Variants in TMEM177 observed in about 807,000 individuals in gnomAD.
The protein encoded by TMEM177 is transmembrane protein 177.
In TMEM177, 4 loss-of-function variants were observed where a neutral mutation model predicts 14.2. The ratio of observed to expected loss-of-function variants is 0.28; its 90% confidence interval spans 0.14 to 0.64. TMEM177 has a LOEUF of 0.64. Among genes scored for constraint, TMEM177 ranks in the 30% least tolerant of loss-of-function variants. The pLI is 0.82. For synonymous variants in TMEM177, 179 were observed against 174.5 expected (o/e 1.03, Z -0.20); for missense variants, 344 against 405.2 (o/e 0.85, Z 1.30).
At chr2:119,693,961 T>C in the TMEM177 span, among the ~76,000 whole-genome samples, 1 of 1,546 alleles carries the variant, frequency 6.5e-4, no homozygotes, top group African/African-American at 2.7e-3. Flanking sequence ...ACATGCAACA[T>C]ACCACACACA....
chr2:119,683,135 G>A (rs897276092), downstream of TMEM177, among the ~76,000 whole-genome samples: 2 of 152,338 alleles, frequency 1.3e-5, no homozygotes, highest in Admixed American at 6.5e-5. Context: ...GTGAGCCAGT[G>A]GGGCTGCAGA....
chr2:119,688,284 G>A (rs1173551320), downstream of TMEM177, among the ~76,000 whole-genome samples: 2 of 152,196 alleles, frequency 1.3e-5, no homozygotes, highest in Admixed American at 1.3e-4. Context: ...TTGTGTTATA[G>A]GGGAATTTTA....
the TMEM177 span, among the ~76,000 whole-genome samples, chr2:119,701,017 G>T: frequency 2.0e-5 from 3 of 152,204 alleles, no homozygotes; most frequent in Non-Finnish European, 4.4e-5. Context: ...GACTGATCCT[G>T]GGGACAAGAG....
chr2:119,711,256 A>G, the TMEM177 span, among the ~76,000 whole-genome samples: 1 of 152,218 alleles, frequency 6.6e-6, no homozygotes, highest in African/African-American at 2.4e-5. Flanking sequence ...CTATGGAATT[A>G]TGAAAAGGAG....
chr2:119,681,213 T>A lies in TMEM177; in HGVS notation c.360T>A (p.His120Gln). 6.2e-7 allele frequency: 1 copy of A among 1,614,190 alleles called. No individual in the cohort carries two copies. Among genetic ancestry groups the A allele is most frequent in the African/African-American group, 1.3e-5 (1 of 75,048 alleles). Residue 120 changes from histidine to glutamine, a missense_variant, in exon 2 of 2, where the codon CAT (histidine) becomes CAA (glutamine). By Grantham distance (24) the His-to-Gln change is conservative (BLOSUM62 0). Transcript: ENST00000272521. ...FLGDLVINTN[H>Q]PVVIHGHTVD... ...GAGACCTAGTGATCAACACTAACCA[T>A]CCCGTGGTCATACATGGGCATACAG...
rs1558688291 is a variant in TMEM177 at position 119,681,319 on chromosome 2, AG to A, written c.469del (p.Glu157LysfsTer42). Reference sequence around the variant, plus strand: ...TGAAGCCCAGAAGTTCGCCTTGGCCAGGGAAGTGGTGTACCTGGAAAGCAGT... The same window carrying A: ...TGAAGCCCAGAAGTTCGCCTTGGCCAGGAAGTGGTGTACCTGGAAAGCAGT... The part of the protein sequence containing the change: ...SREAQKFALA[R>X]EVVYLESSTT... On this transcript the variant is annotated frameshift_variant, in exon 2 of 2. Transcript: ENST00000272521. LOFTEE classifies it high-confidence loss of function. 6.2e-7 allele frequency: 1 copy of A among 1,614,224 alleles called. No individual in the cohort carries two copies.
the TMEM177 span, among the ~76,000 whole-genome samples, chr2:119,717,868 TCTC>T: frequency 6.6e-6 from 1 of 152,046 alleles, no homozygotes; most frequent in East Asian, 1.9e-4. Context: ...GATCCACCTG[TCTC>T]GGCCTCCCAA....
chr2:119,712,219 G>A, the TMEM177 span, among the ~76,000 whole-genome samples: 1 of 151,858 alleles, frequency 6.6e-6, no homozygotes, highest in African/African-American at 2.4e-5. Flanking sequence ...ACTTTGATAG[G>A]TGGATTGTTG....
At chr2:119,704,979 C>T in the TMEM177 span, among the ~76,000 whole-genome samples, 78,452 of 151,988 alleles carry the variant, frequency 0.52, 21,074 homozygotes, top group East Asian at 0.65. Context: ...GGGAAAGTTG[C>T]GGCTCTGGCT....
the TMEM177 span, among the ~76,000 whole-genome samples, chr2:119,697,814 T>TTA: frequency 1.1e-4 from 16 of 152,162 alleles, no homozygotes; most frequent in African/African-American, 3.9e-4. Flanking sequence ...AATGAACCGA[T>TTA]ACTAGACAGA....
chr2:119,691,181 C>A (rs933801813), downstream of TMEM177, among the ~76,000 whole-genome samples: 1 of 152,200 alleles, frequency 6.6e-6, no homozygotes, highest in Non-Finnish European at 1.5e-5. Context: ...GGCCTCAGAG[C>A]CAGACCACCC....
chr2:119,684,935 C>T (rs114776650), downstream of TMEM177, among the ~76,000 whole-genome samples: 2,134 of 152,256 alleles, frequency 0.014, 22 homozygotes, highest in Non-Finnish European at 0.021. Flanking sequence ...AGGGCTTTGT[C>T]GCTAAGTTGG....
At chr2:119,697,425 G>A in the TMEM177 span, among the ~76,000 whole-genome samples, 1 of 152,146 alleles carries the variant, frequency 6.6e-6, no homozygotes, top group Non-Finnish European at 1.5e-5. Flanking sequence ...CCCGGGCTTG[G>A]TGGTGTGTGC....
the TMEM177 span, among the ~76,000 whole-genome samples, chr2:119,694,052 CG>C: frequency 5.4e-5 from 2 of 37,088 alleles, no homozygotes; most frequent in Non-Finnish European, 6.9e-5. Context: ...ACACACATCA[CG>C]CACATGCAAC....
the TMEM177 span, among the ~76,000 whole-genome samples, chr2:119,714,125 C>T: frequency 6.6e-6 from 1 of 152,242 alleles, no homozygotes; most frequent in South Asian, 2.1e-4. Context: ...AGAGAGGAGT[C>T]ACTGGGACAG....
chr2:119,694,110 T>C, the TMEM177 span, among the ~76,000 whole-genome samples: 1 of 19,836 alleles, frequency 5.0e-5, no homozygotes, highest in East Asian at 1.6e-3. Context: ...CACAAACACA[T>C]ACCACATGCA....
chr2:119,685,547 T>C (rs908177300), downstream of TMEM177: 2 of 661,708 alleles, frequency 3.0e-6, no homozygotes, highest in Non-Finnish European at 5.5e-6. Flanking sequence ...TATAGTAACA[T>C]AATGGGGCCT....
the TMEM177 span, among the ~76,000 whole-genome samples, chr2:119,713,268 G>A: frequency 2.8e-4 from 42 of 152,034 alleles, no homozygotes; most frequent in East Asian, 6.4e-3. Flanking sequence ...AGGTTTCTCC[G>A]TGTTGGTCAG....
At chr2:119,689,915 A>G (rs942502523), downstream of TMEM177, among the ~76,000 whole-genome samples, 4 of 152,244 alleles carry the variant, frequency 2.6e-5, no homozygotes, top group Admixed American at 1.3e-4. Flanking sequence ...TAAGAAGTCC[A>G]GAGCCACCTG....
Sources: allele counts gnomAD v4.1 joint callset (sites outside exome capture counted in the v4.1 genomes callset), GRCh38; gene constraint gnomAD v4.1.1; transcripts MANE v1.5; gene names NCBI Gene and HGNC (gene_info 2026-07-23, HGNC 2026-07-21).